The following OXR1 variants were observed in gnomAD, a reference collection of about 807,000 sequenced individuals.
OXR1 encodes the protein oxidation resistance protein 1.
OXR1 carries 41 observed loss-of-function variants against 104.6 expected under a neutral mutation model. That is an observed-to-expected ratio of 0.39 (90% confidence interval 0.31 to 0.51). The LOEUF (loss-of-function observed/expected upper bound fraction) is 0.51, where lower values mean the gene tolerates loss of function less well. OXR1 is among the 20% of genes least tolerant of loss of function. The pLI is 0.77. For missense variants in OXR1, 955 were observed against 1,031.9 expected, an observed-to-expected ratio of 0.93 and a Z score of 1.02; for synonymous variants, 348 against 348.4, an observed-to-expected ratio of 1.00 and a Z score of 0.01.
chr8:106,400,218 T>C (rs1001878771), intron 2 of OXR1, among the ~76,000 whole-genome samples: 2 of 152,146 alleles, frequency 1.3e-5, no homozygotes, highest in Non-Finnish European at 2.9e-5. Flanking sequence ...TCTTTGTATA[T>C]ATTCTGACAT....
chr8:106,459,262 T>C (rs1055843611), intron 2 of OXR1, among the ~76,000 whole-genome samples: 1 of 152,022 alleles, frequency 6.6e-6, no homozygotes, highest in African/African-American at 2.4e-5. Flanking sequence ...GGGCTAGTTA[T>C]TGCGTTATTG....
chr8:106,392,077 G>A (rs1463789856), intron 2 of OXR1, among the ~76,000 whole-genome samples: 1 of 152,194 alleles, frequency 6.6e-6, no homozygotes, highest in Non-Finnish European at 1.5e-5. Context: ...GAACCTATGT[G>A]CATCTGTGGT....
chr8:106,607,424 T>C (rs531817096), intron 3 of OXR1, among the ~76,000 whole-genome samples: 15 of 152,354 alleles, frequency 9.8e-5, no homozygotes, highest in African/African-American at 3.4e-4. Context: ...ATAGCCCTCT[T>C]GTACTAACAC....
At chr8:106,618,141 A>G (rs1213899107) in intron 3 of OXR1, 2 of 1,536,126 alleles carry the variant, frequency 1.3e-6, no homozygotes, top group East Asian at 2.4e-5. Flanking sequence ...TAGCTGAGCA[A>G]GGTTCGAAGG....
At chr8:106,699,396 C>T (rs535928190) in intron 7 of OXR1, among the ~76,000 whole-genome samples, 2 of 152,248 alleles carry the variant, frequency 1.3e-5, no homozygotes, top group African/African-American at 4.8e-5. Context: ...GTTTGTTTTG[C>T]TTGTTTTTTC....
Position 106,388,068 on chromosome 8 carries a change from T to G in OXR1, c.23+28432T>G, listed in dbSNP as rs1817449624. ...ATTACTTTTATTGTAGAACCAATATTAGAAAGATTGTGGCTTTCCAGGCCA... is the reference window on the plus strand; with the variant it reads ...ATTACTTTTATTGTAGAACCAATATGAGAAAGATTGTGGCTTTCCAGGCCA... On this transcript the variant is annotated intron_variant, in intron 2 of 16. Coordinates refer to ENST00000517566, the MANE Select transcript of OXR1 (RefSeq NM_001198533.2). Among the ~76,000 whole-genome samples, 3 of 152,266 alleles carry G rather than the reference T, an allele frequency of 2.0e-5. No individual in the cohort carries two copies. The South Asian group carries it at 6.2e-4, about 32-fold the overall frequency.
rs562466362 is a variant in OXR1 at position 106,663,975 on chromosome 8, A to G, written c.221-15235A>G. 1.2e-4 allele frequency among the ~76,000 whole-genome samples: 19 copies of G among 152,284 alleles called. No homozygotes were observed. The East Asian group carries it at 2.9e-3, about 23-fold the overall frequency. ...CACCACCACAAAACAAAAAACTCACAGTGTTGGTAGAAGATAACCCTAGCT... is the reference window on the plus strand; with the variant it reads ...CACCACCACAAAACAAAAAACTCACGGTGTTGGTAGAAGATAACCCTAGCT... On this transcript the variant is annotated intron_variant, in intron 3 of 16. Coordinates refer to ENST00000517566, the MANE Select transcript of OXR1 (RefSeq NM_001198533.2).
At chr8:106,714,639 A>G (rs1832055013) in intron 11 of OXR1, among the ~76,000 whole-genome samples, 1 of 152,144 alleles carries the variant, frequency 6.6e-6, no homozygotes, top group Admixed American at 6.5e-5. Flanking sequence ...ATTACCTTTT[A>G]CATGCTTTGT....
chr8:106,353,145 G>A (rs538467862), intron 1 of OXR1, among the ~76,000 whole-genome samples: 24 of 152,114 alleles, frequency 1.6e-4, no homozygotes, highest in African/African-American at 3.6e-4. Context: ...TCAGAAATTC[G>A]AGAGACCAGC....
At chr8:106,351,133 T>A (rs1815708614) in intron 1 of OXR1, among the ~76,000 whole-genome samples, 1 of 152,204 alleles carries the variant, frequency 6.6e-6, no homozygotes, top group Non-Finnish European at 1.5e-5. Flanking sequence ...TGCTGTTAGT[T>A]CAAAATTGTA....
intron 1 of OXR1, among the ~76,000 whole-genome samples, chr8:106,343,942 C>G (rs766203918): frequency 6.6e-5 from 10 of 152,188 alleles, no homozygotes; most frequent in Non-Finnish European, 1.3e-4. Flanking sequence ...TTGCAAAATA[C>G]AAATTTCTGA....
At chr8:106,292,255 C>G (rs2130045994) in intron 1 of OXR1, among the ~76,000 whole-genome samples, 1 of 152,268 alleles carries the variant, frequency 6.6e-6, no homozygotes, top group East Asian at 1.9e-4. Context: ...CAAAGAGAAG[C>G]TGGAAAGTGC....
At chr8:106,562,669 C>T (rs555965569) in intron 3 of OXR1, among the ~76,000 whole-genome samples, 1 of 152,194 alleles carries the variant, frequency 6.6e-6, no homozygotes, top group African/African-American at 2.4e-5. Flanking sequence ...AAATAATTGT[C>T]AGATTCACCA....
chr8:106,547,963 T>G (rs757573767), intron 3 of OXR1, among the ~76,000 whole-genome samples: 2 of 152,208 alleles, frequency 1.3e-5, no homozygotes, highest in Non-Finnish European at 2.9e-5. Flanking sequence ...GTGTCCCTGC[T>G]TTCAGTTCAT....
intron 2 of OXR1, among the ~76,000 whole-genome samples, chr8:106,423,415 CTG>C (rs1818982343): frequency 6.6e-6 from 1 of 152,074 alleles, no homozygotes; most frequent in Non-Finnish European, 1.5e-5. Context: ...AACTAAATGA[CTG>C]GGGTTCATTT....
chr8:106,434,967 C>A (rs1819510731), intron 2 of OXR1, among the ~76,000 whole-genome samples: 1 of 151,948 alleles, frequency 6.6e-6, no homozygotes, highest in South Asian at 2.1e-4. Flanking sequence ...TGCTATGAAG[C>A]ATATAACACA....
chr8:106,507,570 T>C lies in OXR1; in HGVS notation c.24-11373T>C, dbSNP rs1812252490. 2.0e-5 allele frequency among the ~76,000 whole-genome samples: 3 copies of C among 152,302 alleles called. No individual in the cohort carries two copies. The South Asian group carries it at 6.2e-4, about 32-fold the overall frequency. On this transcript the variant is annotated intron_variant, in intron 2 of 16. Transcript: ENST00000517566. ...AAGCGGTGAGTACAAAGCAGTATTT[T>C]GGAGAGGGTTGTGCAGGGAATCGGA... is the stretch of plus-strand genomic sequence containing the variant.
intron 2 of OXR1, among the ~76,000 whole-genome samples, chr8:106,431,713 G>C (rs893670521): frequency 6.6e-6 from 1 of 152,178 alleles, no homozygotes; most frequent in South Asian, 2.1e-4. Flanking sequence ...GGCACTCACA[G>C]TGTATTTGTT....
chr8:106,420,122 A>G (rs774190791), intron 2 of OXR1, among the ~76,000 whole-genome samples: 1 of 152,150 alleles, frequency 6.6e-6, no homozygotes, highest in Non-Finnish European at 1.5e-5. Flanking sequence ...TTATTATAGG[A>G]TTATGAGAGA....
Sources: gnomAD v4.1 joint callset for allele counts (sites outside exome capture counted in the v4.1 genomes callset) on GRCh38, gnomAD v4.1.1 for gene constraint, MANE v1.5 for transcripts, NCBI Gene and HGNC (gene_info 2026-07-23, HGNC 2026-07-21) for gene names.